The following GRHL2 variants were observed in gnomAD, a reference collection of about 807,000 sequenced individuals.
The protein encoded by GRHL2 is grainyhead like transcription factor 2.
In GRHL2, 21 loss-of-function variants were observed where a neutral mutation model predicts 83.8. The observed-to-expected ratio is 0.25, with a 90% CI of 0.18 to 0.36. GRHL2 has a LOEUF of 0.36. GRHL2 is among the 10% of genes least tolerant of loss of function. The pLI is 1.00. For synonymous variants in GRHL2, 280 were observed against 278.9 expected (o/e 1.00, Z -0.04); for missense variants, 623 against 781.8 (o/e 0.80, Z 2.42).
intron 1 of GRHL2, among the ~76,000 whole-genome samples, chr8:101,496,863 G>T (rs913823527): frequency 1.3e-5 from 2 of 152,132 alleles, no homozygotes; most frequent in Non-Finnish European, 2.9e-5. Context: ...AGTGTGGTTA[G>T]CATGGTCTAG....
chr8:101,631,509 G>A, intron 9 of GRHL2, 128 bp from the exon 10 acceptor site: 2 of 778,752 alleles, frequency 2.6e-6, no homozygotes, highest in Non-Finnish European at 4.4e-6. Flanking sequence ...CCAGAGGAAT[G>A]GAAATGGGGC....
intron 1 of GRHL2, among the ~76,000 whole-genome samples, chr8:101,507,538 G>C (rs1810364805): frequency 6.6e-6 from 1 of 151,932 alleles, no homozygotes; most frequent in Non-Finnish European, 1.5e-5. Flanking sequence ...TTCTGTGCAT[G>C]TATATACAAT....
chr8:101,637,076 C>T lies in GRHL2; in HGVS notation c.1517+148C>T, dbSNP rs2211916. On this transcript the variant is annotated intron_variant, in intron 12 of 15. Transcript: ENST00000646743. ...GCTGAGAGACGCTTGATTCTGGGGA[C>T]CATCTGGGAGGGAGGCTGGGGGCTG... The T allele has an allele frequency of 0.052, 41,387 of 800,882 alleles. 2,690 individuals are homozygous for T. The highest frequency in any genetic ancestry group is 0.26 in the African/African-American group (15,114 of 59,102). 49.6% of individuals were successfully genotyped at this position (800,882 alleles called of 1,614,324 possible).
At chr8:101,610,165 T>C (rs1238280763) in intron 8 of GRHL2, among the ~76,000 whole-genome samples, 1 of 150,918 alleles carries the variant, frequency 6.6e-6, no homozygotes, top group African/African-American at 2.5e-5. Flanking sequence ...GACTTCCCCA[T>C]GCTCTCCCCA....
intron 7 of GRHL2, among the ~76,000 whole-genome samples, chr8:101,585,264 G>T (rs1812140981): frequency 6.6e-6 from 1 of 152,224 alleles, no homozygotes; most frequent in Non-Finnish European, 1.5e-5. Flanking sequence ...TCTCCCTACA[G>T]TCTGGAAAAT....
chr8:101,565,809 A>G (rs1203859243), intron 4 of GRHL2, among the ~76,000 whole-genome samples: 1 of 152,238 alleles, frequency 6.6e-6, no homozygotes, highest in African/African-American at 2.4e-5. Context: ...ATAAGTGAAC[A>G]TCGGACAGCT....
At chr8:101,645,137 T>A (rs1586167512) in intron 13 of GRHL2, among the ~76,000 whole-genome samples, 1 of 29,412 alleles carries the variant, frequency 3.4e-5, no homozygotes, top group African/African-American at 1.3e-4. Context: ...TTTTTTTTTT[T>A]TTTTTTTTTT....
chr8:101,647,570 A>G (rs1447673710), intron 13 of GRHL2, among the ~76,000 whole-genome samples: 1 of 152,138 alleles, frequency 6.6e-6, no homozygotes, highest in African/African-American at 2.4e-5. Context: ...TCCTCTTATA[A>G]TAGCCATTAG....
intron 1 of GRHL2, among the ~76,000 whole-genome samples, chr8:101,515,723 C>G (rs937474962): frequency 3.9e-5 from 6 of 152,190 alleles, no homozygotes; most frequent in African/African-American, 1.4e-4. Flanking sequence ...CTTGACCTTC[C>G]TCTTCCCTTC....
chr8:101,655,861 T>G (rs1340016173), intron 14 of GRHL2, among the ~76,000 whole-genome samples: 1 of 152,196 alleles, frequency 6.6e-6, no homozygotes, highest in Non-Finnish European at 1.5e-5. Flanking sequence ...GCATTTCTAG[T>G]GATTTTTACC....
In GRHL2 at chr8:101,515,165, T is replaced by A. The variant is rs995576487; in HGVS notation, c.20+22376T>A. Among the ~76,000 whole-genome samples the A allele has an allele frequency of 8.7e-5, 9 of 103,838 alleles. 1 individual carries two copies. In the South Asian group the frequency reaches 1.5e-3, roughly 17 times the overall value. 68.1% of individuals were successfully genotyped at this position (103,838 alleles called of 152,430 possible). ...TCAACTCCCTCTCTCTTTCTCTCTC[T>A]CTGTCTCTCTGCACACACACACACA... On this transcript the variant is annotated intron_variant, in intron 1 of 15. Coordinates refer to ENST00000646743, the MANE Select transcript of GRHL2 (RefSeq NM_024915.4).
At chr8:101,497,409 G>A (rs1021203356) in intron 1 of GRHL2, among the ~76,000 whole-genome samples, 4 of 152,234 alleles carry the variant, frequency 2.6e-5, no homozygotes, top group African/African-American at 9.6e-5. Context: ...TGTCCACTGT[G>A]TCTGGAGGAA....
chr8:101,679,678 A>C, the GRHL2 span, among the ~76,000 whole-genome samples: 2 of 151,638 alleles, frequency 1.3e-5, no homozygotes, highest in Non-Finnish European at 2.9e-5. Flanking sequence ...CCAGAGAACA[A>C]GGTCAGGTTA....
chr8:101,511,579 C>T (rs1022718306), intron 1 of GRHL2, among the ~76,000 whole-genome samples: 9 of 151,924 alleles, frequency 5.9e-5, no homozygotes, highest in African/African-American at 2.2e-4. Context: ...AACTCCTGAC[C>T]TGGGGATCTG....
chr8:101,636,894 C>T lies in GRHL2; in HGVS notation c.1486-3C>T. On this transcript the variant is annotated splice_polypyrimidine_tract_variant and splice_region_variant and intron_variant, in intron 11 of 15. Transcript: ENST00000646743. ...ACAGTAAGCCTATTGTTTTGTTCCACAGGTGTATTACAACACGGATGATGA... is the reference window on the plus strand; with the variant it reads ...ACAGTAAGCCTATTGTTTTGTTCCATAGGTGTATTACAACACGGATGATGA... 1.2e-6 allele frequency: 2 copies of T among 1,613,148 alleles called. No individual in the cohort carries two copies. Among genetic ancestry groups the T allele is most frequent in the Non-Finnish European group, 1.7e-6 (2 of 1,179,126 alleles).
chr8:101,573,594 A>T, intron 5 of GRHL2, 74 bp from the exon 6 acceptor site: 1 of 1,545,416 alleles, frequency 6.5e-7, no homozygotes, highest in Non-Finnish European at 8.9e-7. Flanking sequence ...GTGAAATGCT[A>T]TGATGTGAAA....
In GRHL2 at chr8:101,525,003, C is replaced by T. The variant is rs182979320; in HGVS notation, c.21-18238C>T. Among the ~76,000 whole-genome samples the T allele has an allele frequency of 6.1e-3, 924 of 151,870 alleles. 4 individuals are homozygous for T. The highest frequency in any genetic ancestry group is 0.041 in the Middle Eastern group (12 of 290). ...TGTTGCCCAGGCTGGAGTGCAATGG[C>T]GCGATCTCGGCTCACCACAACCTCC... On this transcript the variant is annotated intron_variant, in intron 1 of 15. Transcript: ENST00000646743.
chr8:101,629,501 G>T (rs2130392846), intron 9 of GRHL2, among the ~76,000 whole-genome samples: 2 of 151,960 alleles, frequency 1.3e-5, no homozygotes, highest in East Asian at 3.9e-4. Context: ...GTACCTCTGA[G>T]GTATGCTTGT....
chr8:101,535,549 CTTTTTTT>C (rs922228978), intron 1 of GRHL2, among the ~76,000 whole-genome samples: 1 of 151,612 alleles, frequency 6.6e-6, no homozygotes, highest in Non-Finnish European at 1.5e-5. Flanking sequence ...CTTCTTTTTT[CTTTTTTT>C]TGAGACAGAG....
Sources: gnomAD v4.1 joint callset for allele counts (sites outside exome capture counted in the v4.1 genomes callset) on GRCh38, gnomAD v4.1.1 for gene constraint, MANE v1.5 for transcripts, NCBI Gene and HGNC (gene_info 2026-07-23, HGNC 2026-07-21) for gene names.